The following SLC11A1 variants were observed in gnomAD, a reference collection of about 807,000 sequenced individuals.
The protein encoded by SLC11A1 is natural resistance-associated macrophage protein 1.
In SLC11A1, 59 loss-of-function variants were observed where a neutral mutation model predicts 63.2. That is an observed-to-expected ratio of 0.93 (90% CI 0.76 to 1.16). SLC11A1 has a LOEUF of 1.16. SLC11A1 is among the 50% of genes most tolerant of loss of function. SLC11A1 has a pLI of 0.00. For synonymous variants in SLC11A1, 305 were observed against 307.8 expected, an observed-to-expected ratio of 0.99 and a Z score of 0.09; for missense variants, 688 against 730.7, an observed-to-expected ratio of 0.94 and a Z score of 0.67.
intron 4 of SLC11A1, 93 bp downstream of exon 4, chr2:218,385,359 A>C: frequency 7.8e-4 from 1,182 of 1,508,530 alleles, no homozygotes; most frequent in Non-Finnish European, 9.6e-4. Flanking sequence ...ACATCATCTC[A>C]CATGGGGCAT....
At chr2:218,385,076 G>T in intron 3 of SLC11A1, 71 bp from the exon 4 acceptor site, 1 of 1,598,654 alleles carries the variant, frequency 6.3e-7, no homozygotes. Context: ...CTTGGTTAGA[G>T]GGTACCACGA....
intron 4 of SLC11A1, among the ~76,000 whole-genome samples, chr2:218,386,329 G>C (rs1233332852): frequency 6.6e-6 from 1 of 152,166 alleles, no homozygotes; most frequent in African/African-American, 2.4e-5. Flanking sequence ...GCACATGCCT[G>C]TAATCCCAGC....
chr2:218,395,407 G>C lies in SLC11A1; in HGVS notation c.*372G>C, dbSNP rs1574783662. ...GCTTGAGGACTTGGGCGGGACACAG[G>C]CTCCAAACTGGAGCTTGAAATAGTG... On this transcript the variant is annotated 3_prime_UTR_variant, in exon 15 of 15. Transcript: ENST00000233202. 1 of 201,162 alleles carries C rather than the reference G, an allele frequency of 5.0e-6. No homozygotes were observed. The highest frequency in any genetic ancestry group is 1.3e-4 in the East Asian group (1 of 7,650). The allele number at this position is 201,162 out of a possible 1,614,324, so 12.5% of individuals were successfully genotyped here. A position where few individuals can be genotyped will look rare whatever the true frequency, so the allele number is the denominator to read the frequency against.
intron 11 of SLC11A1, chr2:218,392,263 C>T (rs1696501138): frequency 4.2e-6 from 1 of 238,250 alleles, no homozygotes; most frequent in Non-Finnish European, 8.7e-6. Flanking sequence ...GGGGTTTCTC[C>T]ATGTTGGTCA....
rs1049616329 is a variant in SLC11A1 at position 218,396,473 on chromosome 2, C to A, written c.*1438C>A. On this transcript the variant is annotated 3_prime_UTR_variant, in exon 15 of 15. Transcript: ENST00000233202. ...TTGCACCTGGAAGAACCCCCGATTT[C>A]CTGGGGACCCAGCAGGGCAGGCGGC... 6.6e-6 allele frequency: 1 copy of A among 152,428 alleles called. No homozygotes were observed. Among genetic ancestry groups the A allele is most frequent in the Non-Finnish European group, 1.5e-5 (1 of 68,106 alleles). The allele number at this position is 152,428 out of a possible 1,614,324, so 9.4% of individuals were successfully genotyped here.
rs1051551576 is a variant in SLC11A1 at position 218,389,813 on chromosome 2, G to A, written c.796-57G>A. ...AGAACATAGAAGTGTGAGGGTGGGG[G>A]ACACTGTGGTGGCTCTGAGGGACTT... On this transcript the variant is annotated intron_variant, in intron 8 of 14. Transcript: ENST00000233202. 412 of 1,540,960 alleles carry A rather than the reference G, an allele frequency of 2.7e-4. 1 individual carries two copies. The highest frequency in any genetic ancestry group is 2.3e-3 in the South Asian group (186 of 80,732).
At position 218,385,169 on chromosome 2, in the gene SLC11A1, C is replaced by T. The variant is rs780632565; in HGVS notation, c.296C>T (p.Ala99Val). 2 of 1,613,906 alleles carry T rather than the reference C, an allele frequency of 1.2e-6. No homozygotes were observed. The highest frequency in any genetic ancestry group is 3.3e-5 in the Admixed American group (2 of 60,012). The part of the protein sequence containing the change: ...GFKLLWVLLW[A>V]TVLGLLCQRL... ...CAGCTTCTCTGGGTGCTGCTCTGGG[C>T]CACCGTGTTGGGCTTGCTCTGCCAG... The change falls in exon 4 of 15, where the codon GCC (alanine) becomes GTC (valine). Residue 99 changes from alanine (A) to valine (V), a missense_variant. By Grantham distance (64) the Ala-to-Val change is moderately conservative. Coordinates refer to ENST00000233202, the MANE Select transcript of SLC11A1 (RefSeq NM_000578.4).
chr2:218,386,581 A>G, intron 4 of SLC11A1, 54 bp from the exon 5 acceptor site: 1 of 1,272,978 alleles, frequency 7.9e-7, no homozygotes. Flanking sequence ...GTAGTCTGAG[A>G]CGACAGGCAA....
intron 8 of SLC11A1, among the ~76,000 whole-genome samples, 181 bp from the exon 9 acceptor site, chr2:218,389,689 G>A (rs986868111): frequency 6.6e-6 from 1 of 152,186 alleles, no homozygotes; most frequent in Non-Finnish European, 1.5e-5. Context: ...CAGTGGTAAG[G>A]CCTCTGTGGC....
rs771325628 is a variant in SLC11A1 at position 218,384,334 on chromosome 2, A to T, written c.242A>T (p.Asp81Val). ...CTGGACCCAGGAAACATCGAGTCAG[A>T]TCTTCAGGCTGGCGCCGTGGCGGGA... is the stretch of plus-strand genomic sequence containing the variant. ...AFLDPGNIES[D>V]LQAGAVAGFK... The change falls in exon 3 of 15, where the codon GAT becomes GTT. Residue 81 changes from aspartate to valine, a missense_variant. Physicochemically the swap from Asp to Val is radical, Grantham distance 152. Coordinates refer to ENST00000233202, the MANE Select transcript of SLC11A1 (RefSeq NM_000578.4). The surrounding 1 kb of genome is among the most constrained non-coding windows in gnomAD (Gnocchi z 4.0). The T allele has an allele frequency of 3.7e-6, 6 of 1,608,018 alleles. No individual in the cohort carries two copies. Among genetic ancestry groups the T allele is most frequent in the Non-Finnish European group, 4.3e-6 (5 of 1,175,820 alleles).
intron 4 of SLC11A1, 47 bp from the exon 5 acceptor site, chr2:218,386,565 ACAAATGTAGTCTGAGACGACAGG>A: frequency 9.3e-7 from 1 of 1,073,912 alleles, no homozygotes; most frequent in Non-Finnish European, 1.4e-6. Context: ...GAGACGACAG[ACAAATGTAGTCTGAGACGACAGG>A]CAAATAACCG....
At position 218,387,811 on chromosome 2, in the gene SLC11A1, G is replaced by T. The variant is rs1696189353; in HGVS notation, c.651G>T (p.Ala217=). 1 of 1,607,748 alleles carries T rather than the reference G, an allele frequency of 6.2e-7. No individual in the cohort carries two copies. The change falls in exon 8 of 15, where the codon GCG becomes GCT. Residue 217 remains alanine, a synonymous_variant. Transcript: ENST00000233202. ...ALTFGYEYVV[A]RPEQGALLRG... is the part of the protein sequence containing the mutation. ...GCTCCTCCCTGCAGTATGTGGTGGC[G>T]CGTCCTGAGCAGGGAGCGCTTCTTC...
intron 11 of SLC11A1, chr2:218,392,759 C>T: frequency 2.1e-6 from 1 of 475,054 alleles, no homozygotes; most frequent in Middle Eastern, 5.3e-4. Flanking sequence ...GAAGCCTTTT[C>T]CCCAAAACTG....
intron 2 of SLC11A1, 76 bp downstream of exon 2, chr2:218,383,178 G>A: frequency 1.3e-6 from 2 of 1,512,312 alleles, no homozygotes; most frequent in Non-Finnish European, 1.8e-6. Context: ...GGAGAATGGG[G>A]TCTCCTTATG....
In SLC11A1 at chr2:218,395,315, A is replaced by C; in HGVS notation, c.*280A>C. 1 of 425,600 alleles carries C rather than the reference A, an allele frequency of 2.3e-6. No homozygotes were observed. The highest frequency in any genetic ancestry group is 4.3e-6 in the Non-Finnish European group (1 of 234,006). The allele number at this position is 425,600 out of a possible 1,614,324, so 26.4% of individuals were successfully genotyped here. ...GGACAAAAACAAACAAACGAAAAACATTTCAAAAGGTATTTATTGAGCACC... is the reference window on the plus strand; with the variant it reads ...GGACAAAAACAAACAAACGAAAAACCTTTCAAAAGGTATTTATTGAGCACC... On this transcript the variant is annotated 3_prime_UTR_variant, in exon 15 of 15. Transcript: ENST00000233202.
rs145979016 is a variant in SLC11A1, at chr2:218,394,132, G to A, written c.1327G>A (p.Val443Met). The change falls in exon 13 of 15, where the codon GTG (valine) becomes ATG (methionine). Residue 443 changes from valine (V) to methionine (M), a missense_variant. By Grantham distance (21) the Val-to-Met change is conservative. Coordinates refer to ENST00000233202, the MANE Select transcript of SLC11A1 (RefSeq NM_000578.4). ...CTGCTCTCCCCAGCTCCCGTTCGCC[G>A]TGCTGCCCATCCTCACGTTCACCAG... ...VLQSLLLPFA[V>M]LPILTFTSMP... 106 of 1,614,026 alleles carry A rather than the reference G, an allele frequency of 6.6e-5. No individual in the cohort carries two copies. The Middle Eastern group carries it at 6.6e-4, about 10-fold the overall frequency.
intron 5 of SLC11A1, 65 bp downstream of exon 5, chr2:218,386,806 C>G (rs530607695): frequency 1.7e-6 from 2 of 1,174,322 alleles, no homozygotes; most frequent in African/African-American, 3.0e-5. Context: ...ACTTCCCCCC[C>G]TAACCAGTCC....
In SLC11A1 at chr2:218,384,155, T is replaced by A; in HGVS notation, c.151-88T>A. ...GGCAGGGCTGGGCTGATGAGCCTGTTGGGGCTCCTCTAGGGGATGGCCAAG... is the reference window on the plus strand; with the variant it reads ...GGCAGGGCTGGGCTGATGAGCCTGTAGGGGCTCCTCTAGGGGATGGCCAAG... On this transcript the variant is annotated intron_variant, in intron 2 of 14. Coordinates refer to ENST00000233202, the MANE Select transcript of SLC11A1 (RefSeq NM_000578.4). The surrounding 1 kb of genome is among the most constrained non-coding windows in gnomAD (Gnocchi z 4.0). 2 of 1,399,250 alleles carry A rather than the reference T, an allele frequency of 1.4e-6. No individual in the cohort carries two copies. Among genetic ancestry groups the A allele is most frequent in the South Asian group, 1.6e-5 (1 of 64,184 alleles). The allele number at this position is 1,399,250 out of a possible 1,614,324, so 86.7% of individuals were successfully genotyped here. A position where few individuals can be genotyped will look rare whatever the true frequency, so the allele number is the denominator to read the frequency against.
At chr2:218,393,335 G>T (rs1184659256) in intron 12 of SLC11A1, among the ~76,000 whole-genome samples, 1 of 124,622 alleles carries the variant, frequency 8.0e-6, no homozygotes, top group Non-Finnish European at 1.7e-5. Flanking sequence ...CCCCCAGATG[G>T]TCTCCCTCTG....
Sources: gnomAD v4.1 joint callset for allele counts (sites outside exome capture counted in the v4.1 genomes callset) on GRCh38, gnomAD v4.1.1 for gene constraint, Gnocchi (gnomAD v3.1) non-coding constraint, MANE v1.5 for transcripts, NCBI Gene and HGNC (gene_info 2026-07-23, HGNC 2026-07-21) for gene names.